Variants in FHL2 observed in about 807,000 individuals in gnomAD.
FHL2 encodes the protein four and a half LIM domains protein 2.
Under a neutral mutation model 32.7 loss-of-function variants are expected in FHL2, and 20 were observed. The ratio of observed to expected loss-of-function variants is 0.61; its 90% CI spans 0.43 to 0.89. The LOEUF (loss-of-function observed/expected upper bound fraction) is 0.89. FHL2 is among the 40% of genes least tolerant of loss of function. FHL2 has a pLI of 0.00. For synonymous variants in FHL2, 123 were observed against 128.1 expected (o/e 0.96, Z 0.27); for missense variants, 311 against 358.6 (o/e 0.87, Z 1.07).
chr2:105,400,949 A>G (rs1218527676), upstream of FHL2, among the ~76,000 whole-genome samples: 1 of 152,070 alleles, frequency 6.6e-6, no homozygotes, highest in East Asian at 1.9e-4. Flanking sequence ...CTCTGGAAAC[A>G]AACATACCCA....
rs11380471 is a variant in FHL2, at chr2:105,386,756, C to CTTTT, written c.-24-220_-24-217dup. On this transcript the variant is annotated intron_variant, in intron 2 of 6. Coordinates refer to ENST00000530340, the MANE Select transcript of FHL2 (RefSeq NM_001318895.3). ...CGGTTTTGTGTTTGAATGCATTCCA[C>CTTTT]TTTTTTTTTTTTTTTTTTTTTTTTT... Among the ~76,000 whole-genome samples, 106 of 48,920 alleles carry CTTTT rather than the reference C, an allele frequency of 2.2e-3. 1 individual carries two copies. The highest frequency in any genetic ancestry group is 3.4e-3 in the African/African-American group (36 of 10,736). 32.1% of individuals were successfully genotyped at this position (48,920 alleles called of 152,430 possible). A position where few individuals can be genotyped will look rare whatever the true frequency, so the allele number is the denominator to read the frequency against.
rs112934639 is a variant in FHL2, at chr2:105,361,659, C to T, written c.689-225G>A. 0.039 allele frequency among the ~76,000 whole-genome samples: 5,943 copies of T among 152,198 alleles called. 125 individuals are homozygous for T. The highest frequency in any genetic ancestry group is 0.068 in the Middle Eastern group (20 of 294). On this transcript the variant is annotated intron_variant, in intron 6 of 6. Transcript: ENST00000530340. ...AGAGATATATAAACTGGTTCCAAAA[C>T]GATGGGATAAGTGCGATCAAAGAAT... is the stretch of plus-strand genomic sequence containing the variant.
At chr2:105,364,351 G>A (rs775105500) in intron 5 of FHL2, among the ~76,000 whole-genome samples, 1 of 152,224 alleles carries the variant, frequency 6.6e-6, no homozygotes, top group Non-Finnish European at 1.5e-5. Context: ...TACGGTGAAA[G>A]AAGGAAGAGG....
chr2:105,399,507 C>A (rs1422672871), upstream of FHL2: 3 of 1,536,180 alleles, frequency 2.0e-6, no homozygotes, highest in South Asian at 3.6e-5. Flanking sequence ...TCTTACCCTG[C>A]AGATGCTTCT....
chr2:105,396,786 T>C (rs754880952), intron 1 of FHL2, 89 bp from the exon 2 acceptor site: 25 of 1,146,006 alleles, frequency 2.2e-5, no homozygotes, highest in Non-Finnish European at 3.2e-5. Flanking sequence ...ACTTAATAAA[T>C]GTGGCTTTGA....
chr2:105,364,303 T>C (rs1173193734), intron 5 of FHL2, among the ~76,000 whole-genome samples: 1 of 151,846 alleles, frequency 6.6e-6, no homozygotes, highest in Non-Finnish European at 1.5e-5. Flanking sequence ...AGTGGTAACC[T>C]CTCCAATGCC....
At chr2:105,435,424 A>G (rs1225849797) in intron 1 of FHL2, among the ~76,000 whole-genome samples, 2 of 152,322 alleles carry the variant, frequency 1.3e-5, no homozygotes, top group East Asian at 3.9e-4. Context: ...GTGAACTGAT[A>G]CCTTGAAATT....
upstream of FHL2, among the ~76,000 whole-genome samples, chr2:105,401,064 CTTTTT>C (rs10561053): frequency 1.2e-4 from 15 of 125,536 alleles, no homozygotes; most frequent in South Asian, 2.5e-4. Context: ...TTATTGGATT[CTTTTT>C]TTTTTTTTTT....
intron 2 of FHL2, among the ~76,000 whole-genome samples, chr2:105,387,897 C>G (rs1045057521): frequency 6.6e-6 from 1 of 152,164 alleles, no homozygotes; most frequent in Non-Finnish European, 1.5e-5. Context: ...AAATGTGGTA[C>G]ATATACATCA....
At chr2:105,426,140 A>G (rs1411286490) in intron 1 of FHL2, among the ~76,000 whole-genome samples, 1 of 152,048 alleles carries the variant, frequency 6.6e-6, no homozygotes, top group African/African-American at 2.4e-5. Flanking sequence ...GTGTCTTTCT[A>G]TCTTGCATGC....
intron 2 of FHL2, among the ~76,000 whole-genome samples, chr2:105,389,121 A>G (rs1682538829): frequency 6.6e-6 from 1 of 152,266 alleles, no homozygotes. Context: ...CAAGAGCAAT[A>G]AATATGCAGC....
intron 1 of FHL2, among the ~76,000 whole-genome samples, chr2:105,437,350 A>G (rs950107044): frequency 6.6e-6 from 1 of 152,120 alleles, no homozygotes; most frequent in African/African-American, 2.4e-5. Flanking sequence ...GTCATTACAC[A>G]TTCTATGTAT....
intron 2 of FHL2, among the ~76,000 whole-genome samples, chr2:105,391,076 G>A (rs971452894): frequency 6.2e-4 from 94 of 151,722 alleles, no homozygotes; most frequent in African/African-American, 2.2e-3. Context: ...CAGGTGATCC[G>A]CCTGCCTTGG....
chr2:105,407,371 G>A (rs535665768), intron 1 of FHL2, among the ~76,000 whole-genome samples: 2 of 142,492 alleles, frequency 1.4e-5, no homozygotes, highest in Non-Finnish European at 1.5e-5. Context: ...CAGCCTGGGT[G>A]ACAGAGCGAG....
At chr2:105,428,623 G>C (rs184647562) in intron 1 of FHL2, among the ~76,000 whole-genome samples, 1 of 152,196 alleles carries the variant, frequency 6.6e-6, no homozygotes, top group Admixed American at 6.5e-5. Flanking sequence ...CCTTGGCTTC[G>C]TGTGGGTCAG....
At chr2:105,399,512 GCTT>G (rs755264404), upstream of FHL2, 5 of 1,536,180 alleles carry the variant, frequency 3.3e-6, no homozygotes, top group Non-Finnish European at 4.4e-6. Flanking sequence ...CCCTGCAGAT[GCTT>G]CTTTACGAAA....
chr2:105,373,549 G>C lies in FHL2; in HGVS notation c.331+10C>G, dbSNP rs776981929. ...ACTGGCTCACGCATGAGAAAGGAGT[G>C]CCTCCTGACCTGGCATGATGGTCTT... On this transcript the variant is annotated intron_variant, in intron 4 of 6. Coordinates refer to ENST00000530340, the MANE Select transcript of FHL2 (RefSeq NM_001318895.3). The C allele has an allele frequency of 6.2e-7, 1 of 1,614,124 alleles. No homozygotes were observed. The highest frequency in any genetic ancestry group is 8.5e-7 in the Non-Finnish European group (1 of 1,179,966).
intron 2 of FHL2, among the ~76,000 whole-genome samples, chr2:105,392,279 C>A (rs1181927805): frequency 1.3e-5 from 2 of 152,170 alleles, no homozygotes; most frequent in African/African-American, 2.4e-5. Context: ...TCAAGACCAG[C>A]CTGGGCAACA....
chr2:105,375,254 T>G (rs1347091816), intron 3 of FHL2: 1 of 152,224 alleles, frequency 6.6e-6, no homozygotes, highest in Admixed American at 6.5e-5. Flanking sequence ...GCGCATTTTG[T>G]TTTAGTTCAA....
Sources: allele counts gnomAD v4.1 joint callset (sites outside exome capture counted in the v4.1 genomes callset), GRCh38; gene constraint gnomAD v4.1.1; transcripts MANE v1.5; gene names NCBI Gene and HGNC (gene_info 2026-07-23, HGNC 2026-07-21).